Variants in DYNC1I1 observed in about 807,000 individuals in gnomAD.
DYNC1I1 encodes the protein dynein cytoplasmic 1 intermediate chain 1.
In DYNC1I1, 43 loss-of-function variants were observed where a neutral mutation model predicts 86.6. That is an observed-to-expected ratio of 0.50 (90% confidence interval 0.39 to 0.64). The LOEUF (loss-of-function observed/expected upper bound fraction) is 0.64, where lower values mean the gene tolerates loss of function less well. Among genes scored for constraint, DYNC1I1 ranks in the 30% least tolerant of loss-of-function variants. The pLI is 0.00. For missense variants in DYNC1I1, 604 were observed against 788.8 expected, an observed-to-expected ratio of 0.77 and a Z score of 2.81; for synonymous variants, 262 against 283.7, an observed-to-expected ratio of 0.92 and a Z score of 0.77.
chr7:96,038,215 A>G (rs1788926434), intron 13 of DYNC1I1, among the ~76,000 whole-genome samples: 1 of 152,208 alleles, frequency 6.6e-6, no homozygotes, highest in Admixed American at 6.5e-5. Flanking sequence ...ATTGACATTT[A>G]TTGGTGCTCC....
At chr7:96,023,344 G>A (rs1246577498) in intron 10 of DYNC1I1, among the ~76,000 whole-genome samples, 4 of 152,158 alleles carry the variant, frequency 2.6e-5, no homozygotes, top group Admixed American at 6.5e-5. Flanking sequence ...TGATGGCTGG[G>A]GAGTGGGCAG....
chr7:95,775,612 G>A (rs1426401250), intron 1 of DYNC1I1, among the ~76,000 whole-genome samples: 3 of 152,170 alleles, frequency 2.0e-5, no homozygotes, highest in Admixed American at 2.0e-4. Flanking sequence ...CCAGTTGATT[G>A]GTAACTGTGA....
chr7:96,035,634 G>A lies in DYNC1I1; in HGVS notation c.1246G>A (p.Val416Met). The A allele has an allele frequency of 6.2e-7, 1 of 1,601,224 alleles. No individual in the cohort carries two copies. The highest frequency in any genetic ancestry group is 8.5e-7 in the Non-Finnish European group (1 of 1,175,444). Residue 416 changes from valine to methionine, a missense_variant, in exon 13 of 17, where the codon GTG (valine) becomes ATG (methionine). Transcript: ENST00000447467. ...GTTTTGGTAGGAGAGCATGGAGCTG[G>A]TGTACAATAAGTCCAAGCCTGTCGC... ...LSTPQESMEL[V>M]YNKSKPVAVT...
At chr7:95,795,595 A>T (rs1441578652) in intron 1 of DYNC1I1, among the ~76,000 whole-genome samples, 2 of 152,184 alleles carry the variant, frequency 1.3e-5, no homozygotes, top group African/African-American at 2.4e-5. Flanking sequence ...AGAAACATGG[A>T]TGGAGCTGGA....
At chr7:96,032,462 T>G (rs989485888) in intron 11 of DYNC1I1, among the ~76,000 whole-genome samples, 2 of 152,194 alleles carry the variant, frequency 1.3e-5, no homozygotes, top group Admixed American at 6.6e-5. Context: ...TGAAGCTTTA[T>G]AAGTATTTCC....
At chr7:95,992,018 G>A (rs1233104672) in intron 9 of DYNC1I1, among the ~76,000 whole-genome samples, 1 of 151,842 alleles carries the variant, frequency 6.6e-6, no homozygotes, top group Non-Finnish European at 1.5e-5. Context: ...AGCCACCAGG[G>A]CTGGTTAATT....
At chr7:95,776,065 G>T (rs893759929) in intron 1 of DYNC1I1, among the ~76,000 whole-genome samples, 6 of 152,112 alleles carry the variant, frequency 3.9e-5, no homozygotes, top group Admixed American at 3.3e-4. Flanking sequence ...GGAGGCTCGT[G>T]CCTGTAATCC....
intron 14 of DYNC1I1, among the ~76,000 whole-genome samples, chr7:96,053,156 C>G (rs1420244806): frequency 2.0e-5 from 3 of 152,198 alleles, no homozygotes; most frequent in Non-Finnish European, 4.4e-5. Context: ...CTTCATGAGG[C>G]TGCCCCGCCC....
intron 6 of DYNC1I1, among the ~76,000 whole-genome samples, chr7:95,936,610 A>G (rs571358758): frequency 6.6e-6 from 1 of 152,184 alleles, no homozygotes; most frequent in South Asian, 2.1e-4. Flanking sequence ...TACTGTAATT[A>G]GTACATTTTG....
At chr7:96,063,125 GTGTGTGTA>G (rs780893856) in intron 14 of DYNC1I1, among the ~76,000 whole-genome samples, 5,222 of 145,030 alleles carry the variant, frequency 0.036, 93 homozygotes, top group South Asian at 0.064. Flanking sequence ...GTGTGTGTGT[GTGTGTGTA>G]TGTGTGTGTT....
chr7:95,910,116 G>A (rs918689961), intron 6 of DYNC1I1, among the ~76,000 whole-genome samples: 5 of 152,108 alleles, frequency 3.3e-5, no homozygotes, highest in Non-Finnish European at 7.4e-5. Flanking sequence ...CTTTGCTCTT[G>A]CTTTGTTTGA....
At chr7:95,945,287 C>G (rs933813653) in intron 6 of DYNC1I1, among the ~76,000 whole-genome samples, 8 of 151,902 alleles carry the variant, frequency 5.3e-5, no homozygotes, top group Admixed American at 5.2e-4. Flanking sequence ...ATTTCACTGT[C>G]TCTAGAAAGA....
chr7:96,028,424 A>T (rs1794733936), intron 11 of DYNC1I1, 103 bp downstream of exon 11: 1 of 1,424,196 alleles, frequency 7.0e-7, no homozygotes, highest in Non-Finnish European at 9.4e-7. Flanking sequence ...CCAAGTTAGG[A>T]GGATCTACTT....
intron 16 of DYNC1I1, among the ~76,000 whole-genome samples, chr7:96,091,147 A>G (rs1359333396): frequency 1.3e-5 from 2 of 152,204 alleles, no homozygotes; most frequent in African/African-American, 4.8e-5. Context: ...GGTGCCATTA[A>G]TAATTGTCCT....
At chr7:95,832,791 C>T (rs991708125) in intron 5 of DYNC1I1, among the ~76,000 whole-genome samples, 18 of 152,058 alleles carry the variant, frequency 1.2e-4, no homozygotes, top group African/African-American at 4.3e-4. Context: ...CTGTTCATGT[C>T]CTTTGCCCAC....
At chr7:95,939,621 C>G (rs1792145715) in intron 6 of DYNC1I1, among the ~76,000 whole-genome samples, 1 of 150,318 alleles carries the variant, frequency 6.7e-6, no homozygotes, top group African/African-American at 2.5e-5. Context: ...GATTGCAACC[C>G]CTGCCTTTTT....
chr7:96,006,523 C>T (rs1794146762), intron 10 of DYNC1I1, among the ~76,000 whole-genome samples: 1 of 152,180 alleles, frequency 6.6e-6, no homozygotes, highest in Non-Finnish European at 1.5e-5. Flanking sequence ...ATATTGAAAA[C>T]TGCTTTACAT....
At chr7:96,017,082 C>A (rs919584814) in intron 10 of DYNC1I1, among the ~76,000 whole-genome samples, 1 of 152,174 alleles carries the variant, frequency 6.6e-6, no homozygotes, top group Non-Finnish European at 1.5e-5. Context: ...GCTGCCTACA[C>A]TTTTTCCTGT....
intron 3 of DYNC1I1, 151 bp from the exon 4 acceptor site, chr7:95,813,092 CCTTT>C (rs950633055): frequency 4.1e-5 from 52 of 1,283,536 alleles, no homozygotes; most frequent in Non-Finnish European, 5.3e-5. Context: ...CCTTTTCTTT[CCTTT>C]TTTTTTTTTT....
Sources: allele counts gnomAD v4.1 joint callset (sites outside exome capture counted in the v4.1 genomes callset), GRCh38; gene constraint gnomAD v4.1.1; transcripts MANE v1.5; gene names NCBI Gene and HGNC (gene_info 2026-07-23, HGNC 2026-07-21).